Variants in SLC44A3 observed in about 807,000 individuals in gnomAD.
The protein encoded by SLC44A3 is solute carrier family 44 member 3.
Under a neutral mutation model 75.4 loss-of-function variants are expected in SLC44A3, and 74 were observed. The ratio of observed to expected loss-of-function variants is 0.98; its 90% CI spans 0.81 to 1.19. SLC44A3 has a LOEUF of 1.19. Ranked by LOEUF, SLC44A3 falls within the 50% of genes most tolerant of loss-of-function variation. The pLI is 0.00. For missense variants in SLC44A3, 700 were observed against 778.6 expected (o/e 0.90, Z 1.20); for synonymous variants, 310 against 296.9 (o/e 1.04, Z -0.45).
chr1:94,858,169 T>G (rs1156233028), intron 10 of SLC44A3, among the ~76,000 whole-genome samples: 1 of 152,154 alleles, frequency 6.6e-6, no homozygotes, highest in Non-Finnish European at 1.5e-5. Context: ...ATATCCATCC[T>G]AATTGACTTC....
intron 12 of SLC44A3, among the ~76,000 whole-genome samples, chr1:94,867,695 A>T (rs961139216): frequency 1.3e-5 from 2 of 149,042 alleles, no homozygotes; most frequent in African/African-American, 5.0e-5. Context: ...ACATGTCAAG[A>T]AATTTTCTTT....
At chr1:94,824,387 G>A (rs1012857859) in intron 2 of SLC44A3, 106 bp from the exon 3 acceptor site, 2 of 1,360,854 alleles carry the variant, frequency 1.5e-6, no homozygotes, top group Non-Finnish European at 9.8e-7. Context: ...ATGCTGGAGA[G>A]CTTCACGTTC....
intron 3 of SLC44A3, chr1:94,825,893 T>C (rs1270629795): frequency 2.2e-6 from 1 of 456,128 alleles, no homozygotes; most frequent in Non-Finnish European, 4.4e-6. Context: ...TGCTCCCATT[T>C]CACATTGTGT....
chr1:94,894,864 A>G lies in SLC44A3; in HGVS notation c.1904A>G (p.Gln635Arg). 2 of 1,612,622 alleles carry G rather than the reference A, an allele frequency of 1.2e-6. No individual in the cohort carries two copies. The highest frequency in any genetic ancestry group is 1.7e-6 in the Non-Finnish European group (2 of 1,179,028). ...AAATTAAACAATGCAAGGGCACAGC[A>G]GGACAAGCACTCATTAAGGAATGAG... is the stretch of plus-strand genomic sequence containing the variant. ...SNKLNNARAQQDKHSLRNEEG... is the reference protein window; with the variant it reads ...SNKLNNARAQRDKHSLRNEEG... Residue 635 changes from glutamine (Q) to arginine (R), a missense_variant, in exon 15 of 15, where the codon CAG becomes CGG. Gln to Arg is a conservative substitution (Grantham distance 43). Coordinates refer to ENST00000271227, the MANE Select transcript of SLC44A3 (RefSeq NM_001114106.3).
intron 11 of SLC44A3, among the ~76,000 whole-genome samples, chr1:94,866,757 G>T (rs1388768695): frequency 6.6e-6 from 1 of 152,080 alleles, no homozygotes; most frequent in East Asian, 1.9e-4. Flanking sequence ...CCCCCAAGAG[G>T]TTCATTAAAG....
At chr1:94,865,279 A>G (rs1219441597) in intron 11 of SLC44A3, among the ~76,000 whole-genome samples, 2 of 152,146 alleles carry the variant, frequency 1.3e-5, no homozygotes, top group African/African-American at 2.4e-5. Flanking sequence ...AAAATATACC[A>G]TAAGATAGGA....
At chr1:94,867,771 A>C (rs1438959050) in intron 12 of SLC44A3, among the ~76,000 whole-genome samples, 3 of 152,198 alleles carry the variant, frequency 2.0e-5, no homozygotes, top group African/African-American at 4.8e-5. Context: ...CCTGCCAGAG[A>C]AAAGTGGGCG....
At chr1:94,878,041 T>C (rs61772583) in intron 12 of SLC44A3, among the ~76,000 whole-genome samples, 1 of 152,106 alleles carries the variant, frequency 6.6e-6, no homozygotes, top group Non-Finnish European at 1.5e-5. Flanking sequence ...GAGACCATCC[T>C]GGCTAACACG....
At chr1:94,834,602 A>G (rs1390922805) in intron 5 of SLC44A3, among the ~76,000 whole-genome samples, 1 of 151,968 alleles carries the variant, frequency 6.6e-6, no homozygotes. Flanking sequence ...CTCCTGCCTC[A>G]GCCTCCCGAG....
chr1:94,888,713 G>C, intron 12 of SLC44A3: 3 of 976,516 alleles, frequency 3.1e-6, no homozygotes, highest in Non-Finnish European at 3.6e-6. Flanking sequence ...TGCCCTATCA[G>C]GGATATGGTT....
At chr1:94,847,418 C>T (rs1664552624) in intron 9 of SLC44A3, among the ~76,000 whole-genome samples, 1 of 152,154 alleles carries the variant, frequency 6.6e-6, no homozygotes, top group African/African-American at 2.4e-5. Context: ...GCGCTTCCAC[C>T]CACACCTCAT....
At chr1:94,837,969 A>T in intron 6 of SLC44A3, 98 bp downstream of exon 6, 1 of 1,092,644 alleles carries the variant, frequency 9.2e-7, no homozygotes, top group Non-Finnish European at 1.3e-6. Flanking sequence ...TCTTGTTTTA[A>T]ATATAAAACT....
chr1:94,889,881 G>C (rs190352930), intron 12 of SLC44A3, among the ~76,000 whole-genome samples: 1 of 150,512 alleles, frequency 6.6e-6, no homozygotes, highest in East Asian at 2.0e-4. Context: ...ATGGAGTTTC[G>C]CTCTTGTTGC....
At chr1:94,871,160 G>A (rs1377328221) in intron 12 of SLC44A3, among the ~76,000 whole-genome samples, 1 of 152,212 alleles carries the variant, frequency 6.6e-6, no homozygotes, top group Admixed American at 6.5e-5. Context: ...ACCACCTGGG[G>A]ATGTGAGCAA....
Position 94,892,365 on chromosome 1 carries a change from T to C in SLC44A3, c.1705T>C (p.Leu569=). Residue 569 remains leucine, a synonymous_variant, in exon 14 of 15, where the codon TTA becomes CTA. Coordinates refer to ENST00000271227, the MANE Select transcript of SLC44A3 (RefSeq NM_001114106.3). ...ATTCCAGGTGTGGGCAGTCCCTCTG[T>C]TATTGGTAGCTTTTTTTGCCTACTT... The part of the protein sequence containing the change: ...RAFQVWAVPL[L]LVAFFAYLVA... The C allele has an allele frequency of 1.9e-6, 3 of 1,614,216 alleles. No individual in the cohort carries two copies. Among genetic ancestry groups the C allele is most frequent in the Non-Finnish European group, 2.5e-6 (3 of 1,180,032 alleles).
At chr1:94,850,806 CT>C in intron 9 of SLC44A3, among the ~76,000 whole-genome samples, 1 of 152,286 alleles carries the variant, frequency 6.6e-6, no homozygotes, top group East Asian at 1.9e-4. Context: ...GTACCTTCAG[CT>C]CTGTAGTTTA....
intron 9 of SLC44A3, among the ~76,000 whole-genome samples, chr1:94,853,832 G>A (rs539473427): frequency 2.7e-5 from 4 of 150,858 alleles, no homozygotes; most frequent in Non-Finnish European, 4.4e-5. Context: ...GTAAGTTTCT[G>A]ATAGTAACTC....
intron 12 of SLC44A3, among the ~76,000 whole-genome samples, chr1:94,874,632 T>C (rs2101554437): frequency 6.6e-6 from 1 of 152,344 alleles, no homozygotes; most frequent in East Asian, 1.9e-4. Flanking sequence ...TGACTTCGAC[T>C]TCCTCCTAAG....
intron 12 of SLC44A3, among the ~76,000 whole-genome samples, chr1:94,881,187 T>C (rs1040139112): frequency 1.3e-5 from 2 of 152,204 alleles, no homozygotes; most frequent in African/African-American, 2.4e-5. Flanking sequence ...GGCCAGGCTG[T>C]CTGTCACCAG....
Sources: allele counts gnomAD v4.1 joint callset (sites outside exome capture counted in the v4.1 genomes callset), GRCh38; gene constraint gnomAD v4.1.1; transcripts MANE v1.5; gene names NCBI Gene and HGNC (gene_info 2026-07-23, HGNC 2026-07-21).